The following SLC30A3 variants were observed in gnomAD, a reference collection of about 807,000 sequenced individuals.
SLC30A3 encodes the protein solute carrier family 30 member 3.
In SLC30A3, 20 loss-of-function variants were observed where a neutral mutation model predicts 35.6. The ratio of observed to expected loss-of-function variants is 0.56; its 90% CI spans 0.39 to 0.82. The LOEUF (loss-of-function observed/expected upper bound fraction) is 0.82. SLC30A3 is among the 40% of genes least tolerant of loss of function. The pLI, the probability that SLC30A3 is intolerant of heterozygous loss-of-function variation, is 0.00. For synonymous variants in SLC30A3, 217 were observed against 224.7 expected (o/e 0.97, Z 0.31); for missense variants, 401 against 530.6 (o/e 0.76, Z 2.40).
chr2:27,271,891 T>C lies in SLC30A3; in HGVS notation c.-159+3286A>G, dbSNP rs992421727. On this transcript the variant is annotated intron_variant, in intron 1 of 5. Transcript: ENST00000424577. This position sits in a 1 kb window ranked among gnomAD's most constrained non-coding sequence, Gnocchi z 4.3. ...AGCCATGAACTGTGATTAGTTAGAA[T>C]GTCAGAGGGCCATGATAAGAAGTGA... 6.6e-6 allele frequency among the ~76,000 whole-genome samples: 1 copy of C among 152,214 alleles called. No individual in the cohort carries two copies. The highest frequency in any genetic ancestry group is 1.5e-5 in the Non-Finnish European group (1 of 68,030).
chr2:27,275,050 T>C (rs995636956), intron 1 of SLC30A3: 26 of 460,892 alleles, frequency 5.6e-5, no homozygotes, highest in South Asian at 4.4e-4. Flanking sequence ...GGCATATGAG[T>C]TGGGTCTTCC....
chr2:27,261,426 G>A (rs1464850039), intron 1 of SLC30A3, among the ~76,000 whole-genome samples: 1 of 152,192 alleles, frequency 6.6e-6, no homozygotes, highest in Non-Finnish European at 1.5e-5. Flanking sequence ...GAGTGAAGAT[G>A]GACTGGAGTT....
At chr2:27,268,647 G>A (rs1379510506) in intron 1 of SLC30A3, among the ~76,000 whole-genome samples, 1 of 151,990 alleles carries the variant, frequency 6.6e-6, no homozygotes, top group Non-Finnish European at 1.5e-5. Flanking sequence ...CAGCTCCTCC[G>A]GAGGCTGAGG....
intron 1 of SLC30A3, among the ~76,000 whole-genome samples, chr2:27,268,570 A>G (rs377470734): frequency 4.6e-5 from 7 of 152,118 alleles, no homozygotes; most frequent in East Asian, 3.9e-4. Flanking sequence ...TGGCTAACAC[A>G]GTGAAACCCC....
intron 1 of SLC30A3, 122 bp from the exon 2 acceptor site, chr2:27,259,056 G>A: frequency 1.3e-6 from 1 of 762,924 alleles, no homozygotes; most frequent in South Asian, 1.9e-5. Flanking sequence ...GGTCGTATCT[G>A]GGAGCTGCAT....
At chr2:27,260,609 C>T (rs1677130474) in intron 1 of SLC30A3, among the ~76,000 whole-genome samples, 1 of 152,124 alleles carries the variant, frequency 6.6e-6, no homozygotes, top group Non-Finnish European at 1.5e-5. Context: ...CAAGAATACC[C>T]ACAAGTAAAA....
rs1454818415 is a variant in SLC30A3 at position 27,254,888 on chromosome 2, C to T, written c.*424G>A. ...GAGCGAGGGCCATGTGGGGAGGGGGCCCCTACTGACCTCCCCCAGGCATAG... is the reference window on the plus strand; with the variant it reads ...GAGCGAGGGCCATGTGGGGAGGGGGTCCCTACTGACCTCCCCCAGGCATAG... On this transcript the variant is annotated 3_prime_UTR_variant, in exon 8 of 8. Transcript: ENST00000233535. The T allele has an allele frequency of 2.6e-6, 1 of 381,268 alleles. No individual in the cohort carries two copies. Among genetic ancestry groups the T allele is most frequent in the Non-Finnish European group, 4.7e-6 (1 of 213,406 alleles). 23.6% of individuals were successfully genotyped at this position (381,268 alleles called of 1,614,324 possible).
rs1676944026 is a variant in SLC30A3 at position 27,257,668 on chromosome 2, T to C, written c.578+237A>G. 1 of 601,090 alleles carries C rather than the reference T, an allele frequency of 1.7e-6. No homozygotes were observed. The highest frequency in any genetic ancestry group is 2.9e-6 in the Non-Finnish European group (1 of 339,584). The allele number at this position is 601,090 out of a possible 1,614,324, so 37.2% of individuals were successfully genotyped here. A position where few individuals can be genotyped will look rare whatever the true frequency, so the allele number is the denominator to read the frequency against. On this transcript the variant is annotated intron_variant, in intron 4 of 7. Coordinates refer to ENST00000233535, the MANE Select transcript of SLC30A3 (RefSeq NM_003459.5). The surrounding 1 kb of genome is among the most constrained non-coding windows in gnomAD (Gnocchi z 4.7). ...TGGCTGTGAGGTTTAAATGCAATCA[T>C]GTTGATGAAAGCCCTCATCAGAGTG... is the stretch of plus-strand genomic sequence containing the variant.
chr2:27,254,800 AGAC>A lies in SLC30A3; in HGVS notation c.*509_*511del. On this transcript the variant is annotated 3_prime_UTR_variant, in exon 8 of 8. Transcript: ENST00000233535. ...CACACACACACACACACACACACAC[AGAC>A]AAAACCACAGGGCTAAGACACACGG... 1 of 277,030 alleles carries A rather than the reference AGAC, an allele frequency of 3.6e-6. No individual in the cohort carries two copies. Among genetic ancestry groups the A allele is most frequent in the East Asian group, 1.1e-4 (1 of 9,496 alleles). The allele number at this position is 277,030 out of a possible 1,614,324, so 17.2% of individuals were successfully genotyped here. A position where few individuals can be genotyped will look rare whatever the true frequency, so the allele number is the denominator to read the frequency against.
intron 1 of SLC30A3, 155 bp from the exon 2 acceptor site, chr2:27,259,089 C>G (rs942684545): frequency 1.7e-6 from 1 of 601,652 alleles, no homozygotes; most frequent in African/African-American, 1.9e-5. Context: ...ACATGAGAGA[C>G]CGGGGCTAAA....
In SLC30A3 at chr2:27,255,557, G is replaced by A; in HGVS notation, c.1019-97C>T. ...GGGAAAGGGGCTGCACAGCATTAAA[G>A]CCAGGCGTGAATGGAAGCCTGCTTT... On this transcript the variant is annotated intron_variant, in intron 7 of 7. Coordinates refer to ENST00000233535, the MANE Select transcript of SLC30A3 (RefSeq NM_003459.5). This position sits in a 1 kb window ranked among gnomAD's most constrained non-coding sequence, Gnocchi z 5.2. 1 of 1,358,554 alleles carries A rather than the reference G, an allele frequency of 7.4e-7. No individual in the cohort carries two copies. The highest frequency in any genetic ancestry group is 1.0e-6 in the Non-Finnish European group (1 of 976,982). 84.2% of individuals were successfully genotyped at this position (1,358,554 alleles called of 1,614,324 possible). A position where few individuals can be genotyped will look rare whatever the true frequency, so the allele number is the denominator to read the frequency against.
rs192081542 is a variant in SLC30A3, at chr2:27,275,012, G to A, written c.-159+165C>T. Among the ~76,000 whole-genome samples, 86 of 152,358 alleles carry A rather than the reference G, an allele frequency of 5.6e-4. 2 individuals carry two copies. The highest frequency in any genetic ancestry group is 5.3e-3 in the Admixed American group (81 of 15,304). ...ACAGACGAAGTGGGAACAACTGGGA[G>A]AGTGAATGATGGAGTGTCAGGAACA... On this transcript the variant is annotated intron_variant, in intron 1 of 5. Coordinates refer to the SLC30A3 transcript ENST00000424577.
exon 1 of SLC30A3, chr2:27,275,217 G>C (rs1434242219): frequency 7.7e-7 from 1 of 1,304,074 alleles, no homozygotes; most frequent in East Asian, 5.6e-5. Context: ...GTGTTTCCTG[G>C]AGTGAGTTGG....
chr2:27,261,875 C>T, intron 1 of SLC30A3: 1 of 152,134 alleles, frequency 6.6e-6, no homozygotes, highest in East Asian at 1.9e-4. Flanking sequence ...AGCTTGAAGG[C>T]CCCCACCCAA....
chr2:27,256,532 A>G lies in SLC30A3; in HGVS notation c.884-12T>C, dbSNP rs756908173. 4 of 1,613,872 alleles carry G rather than the reference A, an allele frequency of 2.5e-6. No homozygotes were observed. The South Asian group carries it at 4.4e-5, about 18-fold the overall frequency. Reference sequence around the variant, plus strand: ...ATTGCGGGGGGTACCTGCAACCAGCACCAGTCATGCCTTACTGCTAGGGCT... The same window carrying G: ...ATTGCGGGGGGTACCTGCAACCAGCGCCAGTCATGCCTTACTGCTAGGGCT... On this transcript the variant is annotated splice_polypyrimidine_tract_variant and intron_variant, in intron 6 of 7. Transcript: ENST00000233535.
intron 1 of SLC30A3, among the ~76,000 whole-genome samples, chr2:27,274,343 C>CA (rs1337936440): frequency 1.3e-5 from 2 of 151,118 alleles, no homozygotes; most frequent in Admixed American, 6.6e-5. Context: ...ACAAAACAAA[C>CA]AAAAAAAACC....
intron 7 of SLC30A3, chr2:27,256,065 A>C: frequency 2.8e-6 from 1 of 360,058 alleles, no homozygotes. Context: ...GAGGTGCTGT[A>C]ATTTACCTAA....
chr2:27,275,303 A>AACGCTCCT, exon 1 of SLC30A3: 2 of 996,686 alleles, frequency 2.0e-6, no homozygotes, highest in East Asian at 6.0e-5. Flanking sequence ...GCCTGGCAGC[A>AACGCTCCT]ACGCTCCTAC....
At position 27,257,794 on chromosome 2, in the gene SLC30A3, G is replaced by T; in HGVS notation, c.578+111C>A. 1.8e-6 allele frequency: 2 copies of T among 1,092,156 alleles called. No homozygotes were observed. Among genetic ancestry groups the T allele is most frequent in the Non-Finnish European group, 2.7e-6 (2 of 748,172 alleles). The allele number at this position is 1,092,156 out of a possible 1,614,324, so 67.7% of individuals were successfully genotyped here. On this transcript the variant is annotated intron_variant, in intron 4 of 7. Coordinates refer to ENST00000233535, the MANE Select transcript of SLC30A3 (RefSeq NM_003459.5). The surrounding 1 kb of genome is among the most constrained non-coding windows in gnomAD (Gnocchi z 4.7). ...CACGCAGGGCAGCCCATGGAGAGCT[G>T]TGTGTGCGTGTCTGTGTGTCTGGTG... is the stretch of plus-strand genomic sequence containing the variant.
Sources: gnomAD v4.1 joint callset for allele counts (sites outside exome capture counted in the v4.1 genomes callset) on GRCh38, gnomAD v4.1.1 for gene constraint, Gnocchi (gnomAD v3.1) non-coding constraint, MANE v1.5 for transcripts, NCBI Gene and HGNC (gene_info 2026-07-23, HGNC 2026-07-21) for gene names.